Variants in COL23A1 observed in about 807,000 individuals in gnomAD.
COL23A1 encodes the protein collagen type XXIII alpha 1 chain, also known as collagen alpha-1(XXIII) chain.
Under a neutral mutation model 99.3 loss-of-function variants are expected in COL23A1, and 97 were observed. The ratio of observed to expected loss-of-function variants is 0.98; its 90% CI spans 0.83 to 1.16. The LOEUF is 1.16. Ranked by LOEUF, COL23A1 falls within the 50% of genes most tolerant of loss-of-function variation. The pLI is 0.00. For missense variants in COL23A1, 762 were observed against 757.4 expected, an observed-to-expected ratio of 1.01 and a Z score of -0.07; for synonymous variants, 320 against 308.2, an observed-to-expected ratio of 1.04 and a Z score of -0.40.
intron 2 of COL23A1, among the ~76,000 whole-genome samples, chr5:178,347,397 G>C (rs1474047599): frequency 6.6e-6 from 1 of 151,864 alleles, no homozygotes; most frequent in Non-Finnish European, 1.5e-5. Context: ...AAGTAGACAC[G>C]GGGATGCCAG....
chr5:178,265,780 C>G (rs149801121), intron 8 of COL23A1: 2 of 901,644 alleles, frequency 2.2e-6, no homozygotes, highest in Non-Finnish European at 2.7e-6. Context: ...ATCTGAAGAA[C>G]TACAAGGCTT....
Position 178,272,743 on chromosome 5 carries a change from TC to T in COL23A1, c.442-2381del, listed in dbSNP as rs1756362534. Among the ~76,000 whole-genome samples the T allele has an allele frequency of 2.0e-5, 3 of 151,852 alleles. No homozygotes were observed. The South Asian group carries it at 6.2e-4, about 32-fold the overall frequency. On this transcript the variant is annotated intron_variant, in intron 5 of 28. Transcript: ENST00000390654. Reference sequence around the variant, plus strand: ...ACACTAAATTTGGCCCTGCCCCTTGTCCCCCTACCCCCCGACCCAAGCCCTG... The same window carrying T: ...ACACTAAATTTGGCCCTGCCCCTTGTCCCCTACCCCCCGACCCAAGCCCTG...
rs925448950 is a variant in COL23A1 at position 178,288,284 on chromosome 5, G to A, written c.441+40C>T. 3.3e-6 allele frequency: 5 copies of A among 1,505,064 alleles called. No homozygotes were observed. The East Asian group carries it at 1.1e-4, about 34-fold the overall frequency. The allele number at this position is 1,505,064 out of a possible 1,614,324, so 93.2% of individuals were successfully genotyped here. On this transcript the variant is annotated intron_variant, in intron 5 of 28. Coordinates refer to ENST00000390654, the MANE Select transcript of COL23A1 (RefSeq NM_173465.4). Reference sequence around the variant, plus strand: ...TCAGGGAAAGAATATTGGTTTAAGAGAAAAGGGTGAAGAGAGCAAAAAAAT... The same window carrying A: ...TCAGGGAAAGAATATTGGTTTAAGAAAAAAGGGTGAAGAGAGCAAAAAAAT...
In COL23A1 at chr5:178,238,550, G is replaced by C; in HGVS notation, c.*148C>G. 3 of 1,044,732 alleles carry C rather than the reference G, an allele frequency of 2.9e-6. No homozygotes were observed. The South Asian group carries it at 4.3e-5, about 15-fold the overall frequency. The allele number at this position is 1,044,732 out of a possible 1,614,324, so 64.7% of individuals were successfully genotyped here. A position where few individuals can be genotyped will look rare whatever the true frequency, so the allele number is the denominator to read the frequency against. The stretch of plus-strand genomic sequence containing the variant: ...TTTCCGGCAGCTTCACATGCCGGTG[G>C]CTTTGGGGCTGGGTGGGCATACTCT... On this transcript the variant is annotated 3_prime_UTR_variant, in exon 29 of 29. Coordinates refer to ENST00000390654, the MANE Select transcript of COL23A1 (RefSeq NM_173465.4).
chr5:178,309,575 A>G lies in COL23A1; in HGVS notation c.362-2656T>C, dbSNP rs1712170372. Among the ~76,000 whole-genome samples the G allele has an allele frequency of 6.6e-6, 1 of 151,906 alleles. No individual in the cohort carries two copies. Among genetic ancestry groups the G allele is most frequent in the Admixed American group, 6.6e-5 (1 of 15,264 alleles). Reference sequence around the variant, plus strand: ...ACCCTTTATTCTGAGCTCTGTACCTAAATGTCCAACTCCACTGGGAGGCAC... The same window carrying G: ...ACCCTTTATTCTGAGCTCTGTACCTGAATGTCCAACTCCACTGGGAGGCAC... On this transcript the variant is annotated intron_variant, in intron 2 of 28. Transcript: ENST00000390654. This position sits in a 1 kb window ranked among gnomAD's most constrained non-coding sequence, Gnocchi z 4.7.
intron 1 of COL23A1, among the ~76,000 whole-genome samples, chr5:178,568,937 A>G (rs996477367): frequency 6.6e-6 from 1 of 152,108 alleles, no homozygotes; most frequent in African/African-American, 2.4e-5. Context: ...TGGGGTATAA[A>G]CCTGGGAGTG....
At chr5:178,372,739 A>AT (rs1398105527) in intron 2 of COL23A1, among the ~76,000 whole-genome samples, 1 of 150,918 alleles carries the variant, frequency 6.6e-6, no homozygotes, top group South Asian at 2.1e-4. Flanking sequence ...CACCTGGCTA[A>AT]TTTTTTTTGC....
chr5:178,333,472 T>C (rs1760149831), intron 2 of COL23A1, among the ~76,000 whole-genome samples: 1 of 152,084 alleles, frequency 6.6e-6, no homozygotes, highest in African/African-American at 2.4e-5. Context: ...CTGTCCCTTA[T>C]CCAGGCTGCC....
intron 3 of COL23A1, among the ~76,000 whole-genome samples, chr5:178,301,910 C>T (rs1410633586): frequency 6.7e-6 from 1 of 150,340 alleles, no homozygotes; most frequent in Non-Finnish European, 1.5e-5. Flanking sequence ...CGCCGCAGCA[C>T]AGCTTCAATT....
Position 178,468,548 on chromosome 5 carries a change from C to A in COL23A1, c.361+92134G>T, listed in dbSNP as rs976597629. 1.6e-4 allele frequency among the ~76,000 whole-genome samples: 24 copies of A among 152,076 alleles called. No homozygotes were observed. The highest frequency in any genetic ancestry group is 5.6e-4 in the African/African-American group (23 of 41,418). On this transcript the variant is annotated intron_variant, in intron 2 of 28. Transcript: ENST00000390654. The surrounding 1 kb of genome is among the most constrained non-coding windows in gnomAD (Gnocchi z 4.2). ...CTGCTCACACCCAGGCCTCACCCGG[C>A]CCCGTCCCTCTGAGCTGACCTCAGG...
Position 178,280,865 on chromosome 5 carries a change from G to A in COL23A1, c.441+7459C>T, listed in dbSNP as rs1394970142. Among the ~76,000 whole-genome samples the A allele has an allele frequency of 6.6e-6, 1 of 152,216 alleles. No homozygotes were observed. ...GCAAAAAACTGCAGCAGATACAGGA[G>A]GCATCTGGGAGCCGAGGGCGGAGCA... On this transcript the variant is annotated intron_variant, in intron 5 of 28. Transcript: ENST00000390654. The surrounding 1 kb of genome is among the most constrained non-coding windows in gnomAD (Gnocchi z 4.9).
chr5:178,258,262 T>TATATATATACATAC, intron 12 of COL23A1, among the ~76,000 whole-genome samples: 2 of 104,126 alleles, frequency 1.9e-5, no homozygotes, highest in East Asian at 5.0e-4. Flanking sequence ...TATATATATA[T>TATATATATACATAC]ACACATGCAA....
intron 2 of COL23A1, among the ~76,000 whole-genome samples, chr5:178,531,701 T>C (rs1224255731): frequency 6.6e-6 from 1 of 152,230 alleles, no homozygotes; most frequent in African/African-American, 2.4e-5. Flanking sequence ...TATTTTGTTA[T>C]TGTTGCCAAA....
In COL23A1 at chr5:178,318,746, C is replaced by CA. The variant is rs544251328; in HGVS notation, c.362-11828dup. On this transcript the variant is annotated intron_variant, in intron 2 of 28. Transcript: ENST00000390654. Reference sequence around the variant, plus strand: ...CGAAACCCCATGTCTAATGAAAATACAAAAAATTAGCCGGGTGTGGTGGCG... The same window carrying CA: ...CGAAACCCCATGTCTAATGAAAATACAAAAAAATTAGCCGGGTGTGGTGGCG... Among the ~76,000 whole-genome samples, 409 of 152,196 alleles carry CA rather than the reference C, an allele frequency of 2.7e-3. 1 individual carries two copies. Among genetic ancestry groups the CA allele is most frequent in the Middle Eastern group, 6.8e-3 (2 of 294 alleles).
intron 8 of COL23A1, among the ~76,000 whole-genome samples, chr5:178,264,337 T>TA (rs34489295): frequency 0.019 from 2,736 of 141,586 alleles, 34 homozygotes; most frequent in Non-Finnish European, 0.033. Flanking sequence ...AAAATAAAAG[T>TA]AAAAAAAAAA....
chr5:178,472,576 G>A (rs998204896), intron 2 of COL23A1, among the ~76,000 whole-genome samples: 16 of 152,188 alleles, frequency 1.1e-4, no homozygotes, highest in Non-Finnish European at 1.5e-5. Context: ...AGCAACGGCT[G>A]CAGCAGCATC....
Position 178,242,107 on chromosome 5 carries a change from G to C in COL23A1, c.1516C>G (p.Arg506Gly). The C allele has an allele frequency of 6.4e-7, 1 of 1,553,402 alleles. No homozygotes were observed. The highest frequency in any genetic ancestry group is 8.7e-7 in the Non-Finnish European group (1 of 1,148,146). The change falls in exon 27 of 29, where the codon CGG (arginine) becomes GGG (glycine). Residue 506 changes from arginine to glycine, a missense_variant. Arg to Gly is a moderately radical substitution (Grantham distance 125, BLOSUM62 -2). Coordinates refer to ENST00000390654, the MANE Select transcript of COL23A1 (RefSeq NM_173465.4). ...GEKGERGVPG[R>G]KGVKGQKGEP... ...CCCTTCTGGCCCTTCACTCCTTTCC[G>C]GCCGGGGACCCCTCGTTCTCCCTGT...
At chr5:178,497,127 A>G (rs1328706250) in intron 2 of COL23A1, among the ~76,000 whole-genome samples, 1 of 152,218 alleles carries the variant, frequency 6.6e-6, no homozygotes, top group Non-Finnish European at 1.5e-5. Context: ...TCTTTGAGTC[A>G]GTACTGCTAC....
intron 2 of COL23A1, among the ~76,000 whole-genome samples, chr5:178,441,527 G>T (rs867210476): frequency 6.6e-6 from 1 of 152,052 alleles, no homozygotes; most frequent in Non-Finnish European, 1.5e-5. Flanking sequence ...GGCGCACAGG[G>T]GCTTGCTGAT....
Sources: allele counts gnomAD v4.1 joint callset (sites outside exome capture counted in the v4.1 genomes callset), GRCh38; gene constraint gnomAD v4.1.1; non-coding constraint Gnocchi (gnomAD v3.1); transcripts MANE v1.5; gene names NCBI Gene and HGNC (gene_info 2026-07-23, HGNC 2026-07-21).